Variants in GRIK4 observed in about 807,000 individuals in gnomAD.
GRIK4 encodes the protein glutamate receptor ionotropic, kainate 4.
GRIK4 carries 40 observed loss-of-function variants against 104.9 expected under a neutral mutation model. That is an observed-to-expected ratio of 0.38 (90% CI 0.30 to 0.50). The LOEUF is 0.50. Ranked by LOEUF, GRIK4 falls within the 20% of genes least tolerant of loss-of-function variation. The pLI is 0.93. For missense variants in GRIK4, 1,047 were observed against 1,308.1 expected, an observed-to-expected ratio of 0.80 and a Z score of 3.08; for synonymous variants, 485 against 524.9, an observed-to-expected ratio of 0.92 and a Z score of 1.04.
chr11:120,579,940 G>A (rs1186927161), intron 1 of GRIK4, among the ~76,000 whole-genome samples: 1 of 151,956 alleles, frequency 6.6e-6, no homozygotes, highest in Admixed American at 6.6e-5. Flanking sequence ...ACCACTGATC[G>A]TGTTCAGAAT....
chr11:120,708,338 T>G (rs1477671870), intron 3 of GRIK4, among the ~76,000 whole-genome samples: 1 of 152,154 alleles, frequency 6.6e-6, no homozygotes, highest in Non-Finnish European at 1.5e-5. Context: ...ATCTGCTTCC[T>G]TGATGTCTGT....
chr11:120,704,865 G>A (rs1008894915), intron 3 of GRIK4, among the ~76,000 whole-genome samples: 2 of 151,936 alleles, frequency 1.3e-5, no homozygotes, highest in East Asian at 3.9e-4. Context: ...AAACAAATGA[G>A]CAGGTCTATG....
In GRIK4 at chr11:120,986,905, T is replaced by C. The variant is rs1057300095; in HGVS notation, c.*645T>C. On this transcript the variant is annotated 3_prime_UTR_variant, in exon 21 of 21. Coordinates refer to ENST00000527524, the MANE Select transcript of GRIK4 (RefSeq NM_014619.5). ...CGTTACCAGTGCATCCGATTTCAGG[T>C]GCTTAACTCTCTGTATGGTGACTGA... The C allele has an allele frequency of 1.3e-5, 2 of 152,164 alleles. No homozygotes were observed. The highest frequency in any genetic ancestry group is 2.9e-5 in the Non-Finnish European group (2 of 68,064). The allele number at this position is 152,164 out of a possible 1,614,324, so 9.4% of individuals were successfully genotyped here.
chr11:120,558,017 CAAAAAAAAAAAA>C (rs59960959), intron 1 of GRIK4, among the ~76,000 whole-genome samples: 3 of 39,598 alleles, frequency 7.6e-5, no homozygotes. Flanking sequence ...GACTCCGTCT[CAAAAAAAAAAAA>C]AAAAAAAAAA....
chr11:120,931,653 A>T (rs1186760171), intron 13 of GRIK4, among the ~76,000 whole-genome samples: 1 of 152,176 alleles, frequency 6.6e-6, no homozygotes, highest in East Asian at 1.9e-4. Context: ...TTAAATAAGG[A>T]TAATAATAGT....
At chr11:120,652,194 A>G (rs1358812590) in intron 1 of GRIK4, among the ~76,000 whole-genome samples, 1 of 152,198 alleles carries the variant, frequency 6.6e-6, no homozygotes, top group African/African-American at 2.4e-5. Flanking sequence ...ATATTCAATA[A>G]AGATTATATT....
chr11:120,770,492 C>T (rs75082356), intron 3 of GRIK4, among the ~76,000 whole-genome samples: 4,424 of 152,320 alleles, frequency 0.029, 170 homozygotes, highest in African/African-American at 0.083. Flanking sequence ...CCTTTATAAA[C>T]AAAGATCTGC....
chr11:120,535,447 A>G (rs2136084054), intron 1 of GRIK4, among the ~76,000 whole-genome samples: 1 of 152,128 alleles, frequency 6.6e-6, no homozygotes, highest in South Asian at 2.1e-4. Flanking sequence ...GGTAGGGAGC[A>G]GGCCGGGACC....
chr11:120,883,733 G>A (rs1955034925), intron 11 of GRIK4, among the ~76,000 whole-genome samples: 1 of 152,228 alleles, frequency 6.6e-6, no homozygotes, highest in South Asian at 2.1e-4. Context: ...TCAAGCTGGG[G>A]GCTGCTTTTG....
In GRIK4 at chr11:120,987,684, T is replaced by C. The variant is rs576243710; in HGVS notation, c.*1424T>C. 6.6e-6 allele frequency: 1 copy of C among 152,322 alleles called. No homozygotes were observed. Among genetic ancestry groups the C allele is most frequent in the South Asian group, 2.1e-4 (1 of 4,820 alleles). 9.4% of individuals were successfully genotyped at this position (152,322 alleles called of 1,614,324 possible). A position where few individuals can be genotyped will look rare whatever the true frequency, so the allele number is the denominator to read the frequency against. ...CCATCTACCAAATAGGAGTTACTGA[T>C]GCTGTCCAGGTTACCAGGTGACTGC... On this transcript the variant is annotated 3_prime_UTR_variant, in exon 21 of 21. Coordinates refer to ENST00000527524, the MANE Select transcript of GRIK4 (RefSeq NM_014619.5).
chr11:120,971,599 C>T (rs1170602800), intron 19 of GRIK4, among the ~76,000 whole-genome samples: 9 of 152,242 alleles, frequency 5.9e-5, no homozygotes, highest in African/African-American at 2.2e-4. Flanking sequence ...GGATTACAAC[C>T]TGGCCTTGCC....
intron 3 of GRIK4, among the ~76,000 whole-genome samples, chr11:120,768,111 G>C (rs756456283): frequency 1.3e-5 from 2 of 151,444 alleles, no homozygotes; most frequent in Non-Finnish European, 2.9e-5. Flanking sequence ...ATTTTAATAG[G>C]GGCTTTATTA....
rs1388204017 is a variant in GRIK4 at position 120,905,578 on chromosome 11, C to G, written c.1476+85C>G. On this transcript the variant is annotated intron_variant, in intron 13 of 20. Coordinates refer to ENST00000527524, the MANE Select transcript of GRIK4 (RefSeq NM_014619.5). The surrounding 1 kb of genome is among the most constrained non-coding windows in gnomAD (Gnocchi z 5.1). ...GAGGTTGTGCTGCACGCTCATGAACCCTCCATTTGTTCAGTCAATCATTCA... is the reference window on the plus strand; with the variant it reads ...GAGGTTGTGCTGCACGCTCATGAACGCTCCATTTGTTCAGTCAATCATTCA... The G allele has an allele frequency of 2.3e-6, 2 of 885,612 alleles. No homozygotes were observed. Among genetic ancestry groups the G allele is most frequent in the South Asian group, 1.4e-5 (1 of 72,620 alleles). 54.9% of individuals were successfully genotyped at this position (885,612 alleles called of 1,614,324 possible).
At chr11:120,615,937 A>AG (rs555250485) in intron 1 of GRIK4, among the ~76,000 whole-genome samples, 135 of 151,934 alleles carry the variant, frequency 8.9e-4, no homozygotes, top group African/African-American at 2.8e-3. Flanking sequence ...CTGAAATCCC[A>AG]GGAGTTGGGG....
chr11:120,552,621 A>G (rs890053392), intron 1 of GRIK4, among the ~76,000 whole-genome samples: 4 of 152,208 alleles, frequency 2.6e-5, no homozygotes, highest in Non-Finnish European at 5.9e-5. Context: ...GTGGTTTTCT[A>G]CAGGAACGTT....
At chr11:120,589,451 A>C (rs1310708962) in intron 1 of GRIK4, among the ~76,000 whole-genome samples, 5 of 152,172 alleles carry the variant, frequency 3.3e-5, no homozygotes, top group Admixed American at 2.6e-4. Context: ...TTGACTGAAG[A>C]TAAAGCTTGG....
chr11:120,652,826 G>T (rs925943796), intron 1 of GRIK4, among the ~76,000 whole-genome samples: 9 of 152,154 alleles, frequency 5.9e-5, no homozygotes, highest in African/African-American at 1.9e-4. Flanking sequence ...GACCAGCGGA[G>T]GGACTGCTGA....
rs955828256 is a variant in GRIK4 at position 120,573,459 on chromosome 11, G to A, written c.-159+61572G>A. 5.3e-5 allele frequency among the ~76,000 whole-genome samples: 8 copies of A among 152,098 alleles called. No homozygotes were observed. The East Asian group carries it at 1.5e-3, about 29-fold the overall frequency. ...CTGGCCCCATACCCACTCCCCACCTGTGATCACCCCCGCCACTGCTGGGGA... is the reference window on the plus strand; with the variant it reads ...CTGGCCCCATACCCACTCCCCACCTATGATCACCCCCGCCACTGCTGGGGA... On this transcript the variant is annotated intron_variant, in intron 1 of 20. Coordinates refer to ENST00000527524, the MANE Select transcript of GRIK4 (RefSeq NM_014619.5).
At chr11:120,776,401 C>G (rs17124307) in intron 3 of GRIK4, among the ~76,000 whole-genome samples, 2 of 152,228 alleles carry the variant, frequency 1.3e-5, no homozygotes, top group South Asian at 4.2e-4. Flanking sequence ...GTTGGAGTTC[C>G]CCCTCTTTTT....
Sources: allele counts gnomAD v4.1 joint callset (sites outside exome capture counted in the v4.1 genomes callset), GRCh38; gene constraint gnomAD v4.1.1; non-coding constraint Gnocchi (gnomAD v3.1); transcripts MANE v1.5; gene names NCBI Gene and HGNC (gene_info 2026-07-23, HGNC 2026-07-21).